The following ARID3B variants were observed in gnomAD, a reference collection of about 807,000 sequenced individuals.
ARID3B encodes AT-rich interaction domain 3B, also known as AT-rich interactive domain-containing protein 3B.
ARID3B carries 10 observed loss-of-function variants against 51.9 expected under a neutral mutation model. The observed-to-expected ratio is 0.19, with a 90% CI of 0.12 to 0.33. The LOEUF (loss-of-function observed/expected upper bound fraction) is 0.33, where lower values mean the gene tolerates loss of function less well. Among genes scored for constraint, ARID3B ranks in the 10% least tolerant of loss-of-function variants. ARID3B has a pLI of 1.00. For synonymous variants in ARID3B, 205 were observed against 279.5 expected (o/e 0.73, Z 2.66); for missense variants, 483 against 716.3 (o/e 0.67, Z 3.72).
At chr15:74,573,275 G>A in intron 4 of ARID3B, 71 bp downstream of exon 4, 1 of 1,482,134 alleles carries the variant, frequency 6.7e-7, no homozygotes, top group Non-Finnish European at 9.4e-7. Flanking sequence ...GCTAGTCACT[G>A]TTAGACATCC....
chr15:74,581,551 T>G (rs1173180486), intron 4 of ARID3B, among the ~76,000 whole-genome samples: 1 of 152,194 alleles, frequency 6.6e-6, no homozygotes, highest in East Asian at 1.9e-4. Context: ...ATGCAAATCT[T>G]TTAGTGTCTG....
intron 2 of ARID3B, among the ~76,000 whole-genome samples, chr15:74,549,612 A>G (rs919397904): frequency 6.6e-6 from 1 of 152,102 alleles, no homozygotes; most frequent in African/African-American, 2.4e-5. Context: ...TGACTATGGA[A>G]CATTTGAGGC....
Position 74,595,846 on chromosome 15 carries a change from T to C in ARID3B, c.*72T>C. 6 of 1,503,748 alleles carry C rather than the reference T, an allele frequency of 4.0e-6. No homozygotes were observed. The highest frequency in any genetic ancestry group is 5.4e-6 in the Non-Finnish European group (6 of 1,117,222). The allele number at this position is 1,503,748 out of a possible 1,614,324, so 93.2% of individuals were successfully genotyped here. On this transcript the variant is annotated 3_prime_UTR_variant, in exon 9 of 9. Coordinates refer to ENST00000346246, the MANE Select transcript of ARID3B (RefSeq NM_006465.4). ...AGGAAGTTGATGCACAGAATTTACCTCATCTCACAGAGCCCACGTCGACGA... is the reference window on the plus strand; with the variant it reads ...AGGAAGTTGATGCACAGAATTTACCCCATCTCACAGAGCCCACGTCGACGA...
At position 74,595,936 on chromosome 15, in the gene ARID3B, G is replaced by C; in HGVS notation, c.*162G>C. The C allele has an allele frequency of 1.2e-6, 1 of 808,404 alleles. No individual in the cohort carries two copies. The highest frequency in any genetic ancestry group is 1.9e-6 in the Non-Finnish European group (1 of 532,382). The allele number at this position is 808,404 out of a possible 1,614,324, so 50.1% of individuals were successfully genotyped here. ...TCTGTCCAGGCTCCATTCAGGTCCT[G>C]CTGTACTCTGGGGGCAGGGAGAGGC... is the stretch of plus-strand genomic sequence containing the variant. On this transcript the variant is annotated 3_prime_UTR_variant, in exon 9 of 9. Transcript: ENST00000346246.
chr15:74,573,298 C>A lies in ARID3B; in HGVS notation c.697+94C>A, dbSNP rs74025815. 8.6e-4 allele frequency: 1,171 copies of A among 1,354,008 alleles called. 15 individuals are homozygous for A. In the African/African-American group the frequency reaches 0.015, roughly 17 times the overall value. 83.9% of individuals were successfully genotyped at this position (1,354,008 alleles called of 1,614,324 possible). A position where few individuals can be genotyped will look rare whatever the true frequency, so the allele number is the denominator to read the frequency against. ...CTGTTAGACATCCTGGCCCACTAATCCTCATCCAGGAGGAGAAGAGGCATT... is the reference window on the plus strand; with the variant it reads ...CTGTTAGACATCCTGGCCCACTAATACTCATCCAGGAGGAGAAGAGGCATT... On this transcript the variant is annotated intron_variant, in intron 4 of 8. Transcript: ENST00000346246.
chr15:74,565,345 C>T (rs915458726), intron 2 of ARID3B, among the ~76,000 whole-genome samples: 1 of 152,214 alleles, frequency 6.6e-6, no homozygotes, highest in Non-Finnish European at 1.5e-5. Flanking sequence ...AGCCACCGCA[C>T]CCTGTTCTGT....
At chr15:74,584,785 C>A (rs111529214) in intron 4 of ARID3B, among the ~76,000 whole-genome samples, 1 of 152,378 alleles carries the variant, frequency 6.6e-6, no homozygotes, top group African/African-American at 2.4e-5. Context: ...CTGGAAGCTC[C>A]TGATCACAGC....
chr15:74,544,761 G>A (rs543146776), intron 2 of ARID3B, among the ~76,000 whole-genome samples: 25 of 150,212 alleles, frequency 1.7e-4, no homozygotes, highest in Non-Finnish European at 3.2e-4. Context: ...CATGATCTCG[G>A]CTCACTGCAA....
At chr15:74,585,218 G>C (rs913632225) in intron 4 of ARID3B, among the ~76,000 whole-genome samples, 1 of 152,146 alleles carries the variant, frequency 6.6e-6, no homozygotes, top group Non-Finnish European at 1.5e-5. Context: ...CTCTTCAGTG[G>C]GTGTTTGCCT....
intron 2 of ARID3B, among the ~76,000 whole-genome samples, chr15:74,550,155 C>A (rs1354134455): frequency 6.6e-6 from 1 of 152,168 alleles, no homozygotes; most frequent in Non-Finnish European, 1.5e-5. Flanking sequence ...GGTGAACAGA[C>A]TGTCACTTGG....
chr15:74,546,456 GTC>G (rs1454390480), intron 2 of ARID3B, among the ~76,000 whole-genome samples: 1 of 152,042 alleles, frequency 6.6e-6, no homozygotes, highest in Non-Finnish European at 1.5e-5. Context: ...TCCAGAGCCT[GTC>G]TGTCTTCAGG....
Position 74,597,854 on chromosome 15 carries a change from C to A in ARID3B, c.*2080C>A. On this transcript the variant is annotated 3_prime_UTR_variant, in exon 9 of 9. Coordinates refer to ENST00000346246, the MANE Select transcript of ARID3B (RefSeq NM_006465.4). ...GACAACAGCAGGGTGTCACCCAGAG[C>A]CCGATGAGGGGTGCCAGCAGGTGCC... 1 of 522,690 alleles carries A rather than the reference C, an allele frequency of 1.9e-6. No homozygotes were observed. The highest frequency in any genetic ancestry group is 4.0e-5 in the East Asian group (1 of 25,296). 32.4% of individuals were successfully genotyped at this position (522,690 alleles called of 1,614,324 possible).
intron 2 of ARID3B, among the ~76,000 whole-genome samples, chr15:74,555,936 C>T (rs1431878017): frequency 1.3e-5 from 2 of 151,766 alleles, no homozygotes; most frequent in African/African-American, 2.4e-5. Context: ...AGACTACAGG[C>T]GCCCACCAGC....
chr15:74,584,841 G>A (rs1440245035), intron 4 of ARID3B, among the ~76,000 whole-genome samples: 2 of 152,192 alleles, frequency 1.3e-5, no homozygotes, highest in Non-Finnish European at 2.9e-5. Context: ...CACCAACAAG[G>A]GTTAAAGCCC....
intron 2 of ARID3B, among the ~76,000 whole-genome samples, chr15:74,565,023 G>C (rs980543287): frequency 1.3e-5 from 2 of 150,770 alleles, no homozygotes; most frequent in Non-Finnish European, 3.0e-5. Flanking sequence ...ACTGTTCTGT[G>C]TCTTTTTTTT....
intron 4 of ARID3B, among the ~76,000 whole-genome samples, chr15:74,585,866 C>G (rs928933073): frequency 6.6e-6 from 1 of 152,226 alleles, no homozygotes; most frequent in African/African-American, 2.4e-5. Flanking sequence ...TTAGAAGAAT[C>G]AAAGACGCGG....
At chr15:74,578,699 C>A (rs1163697534) in intron 4 of ARID3B, among the ~76,000 whole-genome samples, 1 of 152,060 alleles carries the variant, frequency 6.6e-6, no homozygotes, top group South Asian at 2.1e-4. Flanking sequence ...TTAGCCTGGA[C>A]AACATAGTGA....
At chr15:74,560,648 C>T (rs756733077) in intron 2 of ARID3B, among the ~76,000 whole-genome samples, 6 of 152,036 alleles carry the variant, frequency 3.9e-5, no homozygotes, top group Non-Finnish European at 7.3e-5. Context: ...CCATGGTGTC[C>T]TGTTGCCTGT....
intron 4 of ARID3B, among the ~76,000 whole-genome samples, chr15:74,576,342 G>A (rs1195745063): frequency 1.3e-5 from 2 of 151,992 alleles, no homozygotes; most frequent in Non-Finnish European, 2.9e-5. Flanking sequence ...GGCATGGAAA[G>A]ATGAGAAAGA....
Sources: gnomAD v4.1 joint callset for allele counts (sites outside exome capture counted in the v4.1 genomes callset) on GRCh38, gnomAD v4.1.1 for gene constraint, MANE v1.5 for transcripts, NCBI Gene and HGNC (gene_info 2026-07-23, HGNC 2026-07-21) for gene names.